Variants in ZNF410 observed in about 807,000 individuals in gnomAD.
The protein encoded by ZNF410 is zinc finger protein 410.
ZNF410 carries 18 observed loss-of-function variants against 54.8 expected under a neutral mutation model. The ratio of observed to expected loss-of-function variants is 0.33; its 90% CI spans 0.23 to 0.49. The LOEUF (loss-of-function observed/expected upper bound fraction) is 0.49, where lower values mean the gene tolerates loss of function less well. Ranked by LOEUF, ZNF410 falls within the 20% of genes least tolerant of loss-of-function variation. ZNF410 has a pLI of 0.99. For missense variants in ZNF410, 405 were observed against 569.6 expected (o/e 0.71, Z 2.94); for synonymous variants, 191 against 207.3 (o/e 0.92, Z 0.68).
intron 7 of ZNF410, among the ~76,000 whole-genome samples, chr14:73,905,962 CACACACATAT>C (rs1245278307): frequency 2.6e-4 from 6 of 22,984 alleles, no homozygotes; most frequent in South Asian, 2.8e-3. Context: ...CACACACACA[CACACACATAT>C]ATATATATAT....
At chr14:73,929,103 G>C (rs975020115) in intron 11 of ZNF410, among the ~76,000 whole-genome samples, 1 of 152,162 alleles carries the variant, frequency 6.6e-6, no homozygotes, top group Non-Finnish European at 1.5e-5. Flanking sequence ...TTTTCCTCAT[G>C]GGTTTTTGTA....
chr14:73,894,785 A>C (rs538224987), intron 3 of ZNF410, among the ~76,000 whole-genome samples: 2 of 152,270 alleles, frequency 1.3e-5, no homozygotes, highest in East Asian at 3.9e-4. Context: ...AGAAGGCGGT[A>C]AGATAGAGGG....
chr14:73,906,855 T>TAG (rs2055498001), intron 7 of ZNF410, among the ~76,000 whole-genome samples: 1 of 152,164 alleles, frequency 6.6e-6, no homozygotes, highest in Non-Finnish European at 1.5e-5. Flanking sequence ...AGCTTTTATC[T>TAG]CTGTTAATCT....
Position 73,892,005 on chromosome 14 carries a change from CTCT to C in ZNF410, c.-149-20_-149-18del. On this transcript the variant is annotated intron_variant, in intron 1 of 11. Coordinates refer to ENST00000555044, the MANE Select transcript of ZNF410 (RefSeq NM_021188.3). ...TCCCACTGCTCTTAATGCCCCCTCTCTCTTTTTTACCCCTATTCTAGGTTACAT... is the reference window on the plus strand; with the variant it reads ...TCCCACTGCTCTTAATGCCCCCTCTCTTTTTACCCCTATTCTAGGTTACAT... 1.3e-6 allele frequency: 1 copy of C among 757,198 alleles called. No individual in the cohort carries two copies. Among genetic ancestry groups the C allele is most frequent in the Non-Finnish European group, 2.4e-6 (1 of 424,612 alleles). The allele number at this position is 757,198 out of a possible 1,614,324, so 46.9% of individuals were successfully genotyped here. A position where few individuals can be genotyped will look rare whatever the true frequency, so the allele number is the denominator to read the frequency against.
chr14:73,891,712 G>GT, intron 1 of ZNF410: 1 of 284,296 alleles, frequency 3.5e-6, no homozygotes, highest in Non-Finnish European at 6.5e-6. Context: ...CCTAATTGGG[G>GT]GTGTGTGTGT....
At chr14:73,905,996 C>CAG (rs2055484222) in intron 7 of ZNF410, among the ~76,000 whole-genome samples, 1 of 108,666 alleles carries the variant, frequency 9.2e-6, no homozygotes, top group Non-Finnish European at 1.8e-5. Context: ...TATATATATA[C>CAG]ACACATACTT....
intron 1 of ZNF410, among the ~76,000 whole-genome samples, chr14:73,889,450 A>AAG (rs1566648294): frequency 7.5e-5 from 11 of 146,784 alleles, no homozygotes; most frequent in Admixed American, 1.4e-4. Flanking sequence ...AAAAAAAAAA[A>AAG]AAAGAAATAG....
At chr14:73,905,729 G>C (rs1431735429) in intron 7 of ZNF410, 1 of 151,396 alleles carries the variant, frequency 6.6e-6, no homozygotes, top group African/African-American at 2.4e-5. Flanking sequence ...ACCACTCTTA[G>C]AATGTGTAAC....
rs2055918659 is a variant in ZNF410 at position 73,931,694 on chromosome 14, A to G, written c.*153A>G. 4 of 683,562 alleles carry G rather than the reference A, an allele frequency of 5.9e-6. No homozygotes were observed. The highest frequency in any genetic ancestry group is 2.8e-5 in the Admixed American group (1 of 36,184). 42.3% of individuals were successfully genotyped at this position (683,562 alleles called of 1,614,324 possible). A position where few individuals can be genotyped will look rare whatever the true frequency, so the allele number is the denominator to read the frequency against. ...CTCTTCCTCTTTCCTGGTATAGAAG[A>G]TGGATGTAGGAGAGCTTCTTTTCTA... On this transcript the variant is annotated 3_prime_UTR_variant, in exon 12 of 12. Transcript: ENST00000555044.
In ZNF410 at chr14:73,909,328, T is replaced by A; in HGVS notation, c.914-13T>A. On this transcript the variant is annotated splice_polypyrimidine_tract_variant and intron_variant, in intron 7 of 11. Coordinates refer to ENST00000555044, the MANE Select transcript of ZNF410 (RefSeq NM_021188.3). ...TCAGAAGACTGAGTCTTTATCTCAT[T>A]TTCTGTCTCTAGGAGAGAAACCTTT... 6 of 1,609,566 alleles carry A rather than the reference T, an allele frequency of 3.7e-6. No individual in the cohort carries two copies. The highest frequency in any genetic ancestry group is 5.1e-6 in the Non-Finnish European group (6 of 1,178,092).
chr14:73,893,021 G>T (rs2055256179), intron 2 of ZNF410, among the ~76,000 whole-genome samples: 1 of 152,150 alleles, frequency 6.6e-6, no homozygotes, highest in East Asian at 1.9e-4. Context: ...GGTGGAGCTT[G>T]CAGTGAGCCA....
At chr14:73,926,101 G>C (rs2055825866) in intron 11 of ZNF410, among the ~76,000 whole-genome samples, 1 of 152,108 alleles carries the variant, frequency 6.6e-6, no homozygotes, top group African/African-American at 2.4e-5. Context: ...TGTTGTTGTT[G>C]CTGTTTATGA....
At chr14:73,924,126 C>T (rs1234335259) in intron 11 of ZNF410, among the ~76,000 whole-genome samples, 2 of 152,164 alleles carry the variant, frequency 1.3e-5, no homozygotes, top group African/African-American at 4.8e-5. Flanking sequence ...TAAGTGAGAA[C>T]CATTACCTAA....
In ZNF410 at chr14:73,921,028, G is replaced by A; in HGVS notation, c.1052G>A (p.Ser351Asn). The change falls in exon 9 of 12, where the codon AGT becomes AAT. Residue 351 changes from serine (S) to asparagine (N), a missense_variant. By Grantham distance (46) the Ser-to-Asn change is conservative. Transcript: ENST00000555044. The stretch of plus-strand genomic sequence containing the variant: ...GTCTGTGGGAAGACCTTCTCTCAGA[G>A]TGGAAGCAGGAATGTGCATATGAGA... ...CQVCGKTFSQ[S>N]GSRNVHMRKH... 6.2e-7 allele frequency: 1 copy of A among 1,613,978 alleles called. No homozygotes were observed. The highest frequency in any genetic ancestry group is 8.5e-7 in the Non-Finnish European group (1 of 1,179,974).
At chr14:73,890,202 T>C (rs1414738592) in intron 1 of ZNF410, among the ~76,000 whole-genome samples, 1 of 151,332 alleles carries the variant, frequency 6.6e-6, no homozygotes, top group Non-Finnish European at 1.5e-5. Context: ...CTTTTTTTTT[T>C]TTTTGAGATG....
chr14:73,929,244 G>T (rs947873997), intron 11 of ZNF410, among the ~76,000 whole-genome samples: 1 of 151,506 alleles, frequency 6.6e-6, no homozygotes, highest in Non-Finnish European at 1.5e-5. Flanking sequence ...ACTAGTTTGG[G>T]TCCTCCAATA....
At chr14:73,915,261 C>CAA (rs143550446) in intron 8 of ZNF410, among the ~76,000 whole-genome samples, 23,521 of 140,752 alleles carry the variant, frequency 0.17, 2,580 homozygotes, top group East Asian at 0.48. Flanking sequence ...GAATCTGTCT[C>CAA]AAAAAAAAAA....
At chr14:73,893,666 A>G (rs1162789426) in intron 2 of ZNF410, 131 bp from the exon 3 acceptor site, 1 of 995,852 alleles carries the variant, frequency 1.0e-6, no homozygotes, top group African/African-American at 1.6e-5. Context: ...TTTAGATATT[A>G]TGTTGTTTAG....
intron 11 of ZNF410, chr14:73,927,089 A>AT (rs113156661): frequency 0.33 from 49,467 of 151,612 alleles, 8,289 homozygotes; most frequent in Non-Finnish European, 0.37. Flanking sequence ...GTTTATTATG[A>AT]TTTTTTTTTT....
Sources: gnomAD v4.1 joint callset for allele counts (sites outside exome capture counted in the v4.1 genomes callset) on GRCh38, gnomAD v4.1.1 for gene constraint, MANE v1.5 for transcripts, NCBI Gene and HGNC (gene_info 2026-07-23, HGNC 2026-07-21) for gene names.